The following SLC4A3 variants were observed in gnomAD, a reference collection of about 807,000 sequenced individuals.
SLC4A3 encodes anion exchange protein 3.
Under a neutral mutation model 114.2 loss-of-function variants are expected in SLC4A3, and 47 were observed. The observed-to-expected ratio is 0.41, with a 90% CI of 0.33 to 0.52. SLC4A3 has a LOEUF of 0.52. Among genes scored for constraint, SLC4A3 ranks in the 20% least tolerant of loss-of-function variants. SLC4A3 has a pLI of 0.21. For synonymous variants in SLC4A3, 693 were observed against 710.3 expected, an observed-to-expected ratio of 0.98 and a Z score of 0.39; for missense variants, 1,312 against 1,668.3, an observed-to-expected ratio of 0.79 and a Z score of 3.72.
chr2:219,638,315 A>G lies in SLC4A3; in HGVS notation c.2856+62A>G. ...CCCAGGCCAGGAGAGGGAGCCCACA[A>G]CACACTTCCATGGGCCCTGGGATTG... On this transcript the variant is annotated intron_variant, in intron 18 of 22. Transcript: ENST00000358055. The surrounding 1 kb of genome is among the most constrained non-coding windows in gnomAD (Gnocchi z 7.5). 1 of 1,273,246 alleles carries G rather than the reference A, an allele frequency of 7.9e-7. No homozygotes were observed. The highest frequency in any genetic ancestry group is 1.9e-5 in the Admixed American group (1 of 53,682). 78.9% of individuals were successfully genotyped at this position (1,273,246 alleles called of 1,614,324 possible). A position where few individuals can be genotyped will look rare whatever the true frequency, so the allele number is the denominator to read the frequency against.
At chr2:219,640,361 C>T in intron 20 of SLC4A3, 69 bp from the exon 21 acceptor site, 1 of 1,536,352 alleles carries the variant, frequency 6.5e-7, no homozygotes, top group South Asian at 1.2e-5. Flanking sequence ...TCTGTGTCAC[C>T]TCTTCCAGGC....
rs1698975814 is a variant in SLC4A3, at chr2:219,632,812, TG to T, written c.1142-59del. ...CATGCTTTTGGGGGGCAAGGCAGAG[TG>T]GGAGGAGATTTTTCCTGTCTGATGG... On this transcript the variant is annotated intron_variant, in intron 8 of 22. Transcript: ENST00000358055. 5 of 1,596,908 alleles carry T rather than the reference TG, an allele frequency of 3.1e-6. No homozygotes were observed. In the Admixed American group the frequency reaches 8.4e-5, roughly 27 times the overall value.
chr2:219,640,018 C>T (rs1025694270), intron 20 of SLC4A3, among the ~76,000 whole-genome samples: 1 of 152,200 alleles, frequency 6.6e-6, no homozygotes, highest in African/African-American at 2.4e-5. Flanking sequence ...CAAGCTCCGC[C>T]TCCCAGGTTC....
At chr2:219,629,467 G>C (rs986159896) in intron 4 of SLC4A3, 46 bp downstream of exon 4, 28 of 1,605,070 alleles carry the variant, frequency 1.7e-5, no homozygotes, top group Non-Finnish European at 2.3e-5. Flanking sequence ...GGTCAGGGAG[G>C]GGTACAGAGA....
At position 219,637,683 on chromosome 2, in the gene SLC4A3, A is replaced by G. The variant is rs1699175382; in HGVS notation, c.2638A>G (p.Thr880Ala). Residue 880 changes from threonine to alanine, a missense_variant, in exon 17 of 23, where the codon ACC (threonine) becomes GCC (alanine). Coordinates refer to ENST00000358055, the MANE Select transcript of SLC4A3 (RefSeq NM_005070.4). The surrounding 1 kb of genome is among the most constrained non-coding windows in gnomAD (Gnocchi z 4.6). ...LEPNGSALPP[T>A]EGPPSPRNQP... Reference sequence around the variant, plus strand: ...GCCAAATGGCAGTGCCCTGCCCCCCACCGAGGGCCCCCCCAGCCCGAGGAA... The same window carrying G: ...GCCAAATGGCAGTGCCCTGCCCCCCGCCGAGGGCCCCCCCAGCCCGAGGAA... 1 of 1,609,304 alleles carries G rather than the reference A, an allele frequency of 6.2e-7. No individual in the cohort carries two copies. Among genetic ancestry groups the G allele is most frequent in the African/African-American group, 1.3e-5 (1 of 74,658 alleles).
intron 9 of SLC4A3, 112 bp downstream of exon 9, chr2:219,633,121 G>C (rs1035441711): frequency 2.5e-5 from 36 of 1,423,806 alleles, no homozygotes; most frequent in Non-Finnish European, 3.3e-5. Context: ...GTGACAGAGA[G>C]CTCATTTCTA....
chr2:219,630,507 A>G lies in SLC4A3; in HGVS notation c.811+155A>G, dbSNP rs958101506. On this transcript the variant is annotated intron_variant, in intron 6 of 22. Transcript: ENST00000358055. This position sits in a 1 kb window ranked among gnomAD's most constrained non-coding sequence, Gnocchi z 6.9. ...TGTGGCCAGTGATGGGGACCTCACT[A>G]CCTCACCCAGCCACCCTCTCTGACG... is the stretch of plus-strand genomic sequence containing the variant. Among the ~76,000 whole-genome samples, 2 of 151,906 alleles carry G rather than the reference A, an allele frequency of 1.3e-5. No individual in the cohort carries two copies. The highest frequency in any genetic ancestry group is 2.4e-5 in the African/African-American group (1 of 41,356).
At position 219,641,745 on chromosome 2, in the gene SLC4A3, C is replaced by A. The variant is rs1482134401; in HGVS notation, c.*17C>A. 1 of 1,601,292 alleles carries A rather than the reference C, an allele frequency of 6.2e-7. No individual in the cohort carries two copies. Among genetic ancestry groups the A allele is most frequent in the Admixed American group, 1.7e-5 (1 of 59,978 alleles). On this transcript the variant is annotated 3_prime_UTR_variant, in exon 23 of 23. Coordinates refer to ENST00000358055, the MANE Select transcript of SLC4A3 (RefSeq NM_005070.4). The surrounding 1 kb of genome is among the most constrained non-coding windows in gnomAD (Gnocchi z 4.0). ...CCAGTGTGACCCTTGAAGACAGTGCCCCTCAGAGACCCCAAGACCTTAGGG... is the reference window on the plus strand; with the variant it reads ...CCAGTGTGACCCTTGAAGACAGTGCACCTCAGAGACCCCAAGACCTTAGGG...
chr2:219,638,150 T>C lies in SLC4A3; in HGVS notation c.2767-14T>C. 1 of 1,603,430 alleles carries C rather than the reference T, an allele frequency of 6.2e-7. No homozygotes were observed. The highest frequency in any genetic ancestry group is 8.5e-7 in the Non-Finnish European group (1 of 1,173,132). ...TCCACCTTTTGCTCCCTTCCCCAACTGGCCCCTCTCAAGGCTCGTCGCATC... is the reference window on the plus strand; with the variant it reads ...TCCACCTTTTGCTCCCTTCCCCAACCGGCCCCTCTCAAGGCTCGTCGCATC... On this transcript the variant is annotated splice_polypyrimidine_tract_variant and intron_variant, in intron 17 of 22. Coordinates refer to ENST00000358055, the MANE Select transcript of SLC4A3 (RefSeq NM_005070.4). This position sits in a 1 kb window ranked among gnomAD's most constrained non-coding sequence, Gnocchi z 7.5.
At position 219,635,893 on chromosome 2, in the gene SLC4A3, TA is replaced by T; in HGVS notation, c.2191+4del. The T allele has an allele frequency of 6.6e-7, 1 of 1,504,674 alleles. No homozygotes were observed. The highest frequency in any genetic ancestry group is 2.4e-5 in the Admixed American group (1 of 41,380). 93.2% of individuals were successfully genotyped at this position (1,504,674 alleles called of 1,614,324 possible). On this transcript the variant is annotated splice_donor_region_variant and intron_variant, in intron 14 of 22. Coordinates refer to ENST00000358055, the MANE Select transcript of SLC4A3 (RefSeq NM_005070.4). ...CCATCACCTTCGGGGGGCTGCTGGGTAAGGGACTGGGGCTTGGGGAGTTGAG... is the reference window on the plus strand; with the variant it reads ...CCATCACCTTCGGGGGGCTGCTGGGTAGGGACTGGGGCTTGGGGAGTTGAG...
chr2:219,630,482 T>C lies in SLC4A3; in HGVS notation c.811+130T>C. On this transcript the variant is annotated intron_variant, in intron 6 of 22. Transcript: ENST00000358055. The surrounding 1 kb of genome is among the most constrained non-coding windows in gnomAD (Gnocchi z 6.9). ...CTCTCTGAATCCCTGTCTGCTGGGA[T>C]GTGGCCAGTGATGGGGACCTCACTA... 1 of 1,036,736 alleles carries C rather than the reference T, an allele frequency of 9.6e-7. No homozygotes were observed. The highest frequency in any genetic ancestry group is 1.4e-6 in the Non-Finnish European group (1 of 734,912). 64.2% of individuals were successfully genotyped at this position (1,036,736 alleles called of 1,614,324 possible). A position where few individuals can be genotyped will look rare whatever the true frequency, so the allele number is the denominator to read the frequency against.
chr2:219,629,554 C>T (rs762804929), intron 4 of SLC4A3, 26 bp from the exon 5 acceptor site: 2 of 1,596,092 alleles, frequency 1.3e-6, no homozygotes, highest in African/African-American at 1.3e-5. Context: ...CGGGGCAAGG[C>T]CCCAGGGCAC....
chr2:219,639,675 C>T lies in SLC4A3; in HGVS notation c.3217C>T (p.Pro1073Ser). 1 of 1,612,756 alleles carries T rather than the reference C, an allele frequency of 6.2e-7. No individual in the cohort carries two copies. The highest frequency in any genetic ancestry group is 8.5e-7 in the Non-Finnish European group (1 of 1,180,010). Residue 1073 changes from proline to serine, a missense_variant, in exon 20 of 23, where the codon CCC becomes TCC. By Grantham distance (74) the Pro-to-Ser change is moderately conservative. This residue lies in a region of SLC4A3 where 301 missense variants were observed against 460.7 expected (regional missense o/e 0.65). Coordinates refer to ENST00000358055, the MANE Select transcript of SLC4A3 (RefSeq NM_005070.4). The surrounding 1 kb of genome is among the most constrained non-coding windows in gnomAD (Gnocchi z 5.9). ...MRTAIAPGDK[P>S]QIQEVREQRV... ...TACTGCCATCGCGCCTGGTGACAAG[C>T]CCCAGATCCAGGAGGTGCGGGAGCA...
chr2:219,628,640 C>T lies in SLC4A3; in HGVS notation c.217+70C>T. The T allele has an allele frequency of 1.7e-5, 25 of 1,510,888 alleles. No individual in the cohort carries two copies. The highest frequency in any genetic ancestry group is 2.3e-5 in the Non-Finnish European group (25 of 1,099,712). 93.6% of individuals were successfully genotyped at this position (1,510,888 alleles called of 1,614,324 possible). A position where few individuals can be genotyped will look rare whatever the true frequency, so the allele number is the denominator to read the frequency against. On this transcript the variant is annotated intron_variant, in intron 3 of 22. Coordinates refer to ENST00000358055, the MANE Select transcript of SLC4A3 (RefSeq NM_005070.4). The surrounding 1 kb of genome is among the most constrained non-coding windows in gnomAD (Gnocchi z 4.8). ...CACCTTCATCGCCACCATCACCGCG[C>T]TCACCTCCGGCTTGGTCACCCAGTG...
Position 219,638,394 on chromosome 2 carries a change from G to A in SLC4A3, c.2856+141G>A. ...TGGAGTGGCCGCCCTGGGGGCTGAGGGCCTTCCCCAGGGAGCCTGAGTGAT... is the reference window on the plus strand; with the variant it reads ...TGGAGTGGCCGCCCTGGGGGCTGAGAGCCTTCCCCAGGGAGCCTGAGTGAT... On this transcript the variant is annotated intron_variant, in intron 18 of 22. Coordinates refer to ENST00000358055, the MANE Select transcript of SLC4A3 (RefSeq NM_005070.4). This position sits in a 1 kb window ranked among gnomAD's most constrained non-coding sequence, Gnocchi z 7.5. 1.4e-6 allele frequency: 1 copy of A among 711,598 alleles called. No individual in the cohort carries two copies. Among genetic ancestry groups the A allele is most frequent in the Non-Finnish European group, 2.4e-6 (1 of 417,988 alleles). The allele number at this position is 711,598 out of a possible 1,614,324, so 44.1% of individuals were successfully genotyped here.
At chr2:219,632,840 ACTGTGCCCTCT>A (rs2106189124) in intron 8 of SLC4A3, 23 bp from the exon 9 acceptor site, 1 of 1,612,442 alleles carries the variant, frequency 6.2e-7, no homozygotes, top group Non-Finnish European at 8.5e-7. Flanking sequence ...GTCTGATGGG[ACTGTGCCCTCT>A]CTGTGCCTGA....
In SLC4A3 at chr2:219,637,255, T is replaced by G. The variant is rs1373857922; in HGVS notation, c.2536-326T>G. Among the ~76,000 whole-genome samples the G allele has an allele frequency of 6.6e-6, 1 of 150,710 alleles. No individual in the cohort carries two copies. Among genetic ancestry groups the G allele is most frequent in the Non-Finnish European group, 1.5e-5 (1 of 67,530 alleles). ...TATGGTGTGTTGTGTGTGATGTATG[T>G]GTTGTGTGTGTGTGCGTGTGTGTGC... On this transcript the variant is annotated intron_variant, in intron 16 of 22. Coordinates refer to ENST00000358055, the MANE Select transcript of SLC4A3 (RefSeq NM_005070.4). The surrounding 1 kb of genome is among the most constrained non-coding windows in gnomAD (Gnocchi z 4.6).
intron 10 of SLC4A3, 157 bp from the exon 11 acceptor site, chr2:219,633,723 T>C (rs1699022396): frequency 1.7e-6 from 2 of 1,202,908 alleles, no homozygotes; most frequent in East Asian, 5.2e-5. Context: ...AGGGTCCACA[T>C]CCCAGCTGGT....
Position 219,641,100 on chromosome 2 carries a change from C to A in SLC4A3, c.3621+138C>A. On this transcript the variant is annotated intron_variant, in intron 22 of 22. Transcript: ENST00000358055. This position sits in a 1 kb window ranked among gnomAD's most constrained non-coding sequence, Gnocchi z 4.0. ...TGCAAGTTATCTCACCTTCCGAAAT[C>A]TTATTTTCACCTGTATAATAGGGGT... is the stretch of plus-strand genomic sequence containing the variant. 1 of 805,356 alleles carries A rather than the reference C, an allele frequency of 1.2e-6. No homozygotes were observed. Among genetic ancestry groups the A allele is most frequent in the Non-Finnish European group, 2.0e-6 (1 of 512,182 alleles). 49.9% of individuals were successfully genotyped at this position (805,356 alleles called of 1,614,324 possible).
Sources: gnomAD v4.1 joint callset for allele counts (sites outside exome capture counted in the v4.1 genomes callset) on GRCh38, gnomAD v4.1.1 for gene constraint, gnomAD v4.1.1 regional missense constraint, Gnocchi (gnomAD v3.1) non-coding constraint, MANE v1.5 for transcripts, NCBI Gene and HGNC (gene_info 2026-07-23, HGNC 2026-07-21) for gene names.